TRMT2A: variants seen among roughly 807,000 people sequenced by gnomAD.
TRMT2A encodes tRNA (uracil-5-)-methyltransferase homolog A.
In TRMT2A, 60 loss-of-function variants were observed where a neutral mutation model predicts 59.3. That is an observed-to-expected ratio of 1.01 (90% CI 0.82 to 1.26). The LOEUF (loss-of-function observed/expected upper bound fraction) is 1.26. Ranked by LOEUF, TRMT2A falls within the 50% of genes most tolerant of loss-of-function variation. TRMT2A has a pLI of 0.00. For synonymous variants in TRMT2A, 403 were observed against 353.7 expected, an observed-to-expected ratio of 1.14 and a Z score of -1.56; for missense variants, 863 against 845.2, an observed-to-expected ratio of 1.02 and a Z score of -0.26.
Position 20,116,563 on chromosome 22 carries a change from C to T in TRMT2A, c.74G>A (p.Ser25Asn). ...AGGGGGCACCGAGACGGTAGGGCAG[C>T]TCAGGGCACTGCTGCTCTCCTGGCC... ...SCGQESSSAL[S>N]CPTVSVPPAA... Residue 25 changes from serine to asparagine, a missense_variant, in exon 2 of 12, where the codon AGC (serine) becomes AAC (asparagine). By Grantham distance (46) the Ser-to-Asn change is conservative. Transcript: ENST00000252136. 6.3e-7 allele frequency: 1 copy of T among 1,582,074 alleles called. No homozygotes were observed. The highest frequency in any genetic ancestry group is 8.6e-7 in the Non-Finnish European group (1 of 1,168,654).
Position 20,116,934 on chromosome 22 carries a change from G to A in TRMT2A, c.-28C>T. 1.3e-6 allele frequency: 2 copies of A among 1,581,340 alleles called. No individual in the cohort carries two copies. The highest frequency in any genetic ancestry group is 1.2e-5 in the South Asian group (1 of 86,622). On this transcript the variant is annotated 5_prime_UTR_variant, in exon 1 of 12. Transcript: ENST00000252136. ...CCCAGGCGGTTCTCCGCCTAGACCA[G>A]GGACGCCATGGGGGCCGCCTGGCCA...
At position 20,116,974 on chromosome 22, in the gene TRMT2A, T is replaced by C. The variant is rs2050046648; in HGVS notation, c.-68A>G. 6.6e-7 allele frequency: 1 copy of C among 1,508,144 alleles called. No individual in the cohort carries two copies. The highest frequency in any genetic ancestry group is 2.4e-5 in the East Asian group (1 of 41,420). 93.4% of individuals were successfully genotyped at this position (1,508,144 alleles called of 1,614,324 possible). On this transcript the variant is annotated 5_prime_UTR_variant, in exon 1 of 12. Coordinates refer to ENST00000252136, the MANE Select transcript of TRMT2A (RefSeq NM_022727.6). ...CCGCCTGGCCACCTCGTCCTGGGCC[T>C]GTCACAAGGGAAGTGGCCTGTCACA...
rs952342436 is a variant in TRMT2A, at chr22:20,117,155, C to T, written c.-249G>A. 1.8e-6 allele frequency: 1 copy of T among 554,748 alleles called. No individual in the cohort carries two copies. Among genetic ancestry groups the T allele is most frequent in the Non-Finnish European group, 3.0e-6 (1 of 332,610 alleles). 34.4% of individuals were successfully genotyped at this position (554,748 alleles called of 1,614,324 possible). On this transcript the variant is annotated 5_prime_UTR_variant, in exon 1 of 12. Coordinates refer to ENST00000252136, the MANE Select transcript of TRMT2A (RefSeq NM_022727.6). Reference sequence around the variant, plus strand: ...GCTGTACCGCCCGCCCGCCAGGGGCCCGCGCCGGCCGCTCGCTTCGCCAGC... The same window carrying T: ...GCTGTACCGCCCGCCCGCCAGGGGCTCGCGCCGGCCGCTCGCTTCGCCAGC...
Position 20,112,967 on chromosome 22 carries a change from G to A in TRMT2A, c.1590C>T (p.Leu530=), listed in dbSNP as rs772774226. The change falls in exon 11 of 12, where the codon CTC becomes CTT. Residue 530 remains leucine (L), a synonymous_variant. Transcript: ENST00000252136. ...TGCATGAGACGTACAGCAGCCGCCT[G>A]AGGTTCTTAGCTCTCCGGATGGCCA... is the stretch of plus-strand genomic sequence containing the variant. ...VILAIRRAKN[L]RRLLYVSCNP... is the part of the protein sequence containing the mutation. 1 of 1,613,814 alleles carries A rather than the reference G, an allele frequency of 6.2e-7. No individual in the cohort carries two copies. The highest frequency in any genetic ancestry group is 1.1e-5 in the South Asian group (1 of 91,086).
chr22:20,116,580 C>T lies in TRMT2A; in HGVS notation c.57G>A (p.Glu19=). ...TAGGGCAGCTCAGGGCACTGCTGCT[C>T]TCCTGGCCACAGCTCTCCATGGGCT... is the stretch of plus-strand genomic sequence containing the variant. ...GPKPMESCGQ[E]SSSALSCPTV... Residue 19 remains glutamate, a synonymous_variant, in exon 2 of 12, where the codon GAG becomes GAA. Coordinates refer to ENST00000252136, the MANE Select transcript of TRMT2A (RefSeq NM_022727.6). 6.4e-7 allele frequency: 1 copy of T among 1,563,836 alleles called. No individual in the cohort carries two copies. Among genetic ancestry groups the T allele is most frequent in the Non-Finnish European group, 8.6e-7 (1 of 1,160,030 alleles).
chr22:20,116,521 A>T lies in TRMT2A; in HGVS notation c.116T>A (p.Leu39Gln). Residue 39 changes from leucine to glutamine, a missense_variant, in exon 2 of 12, where the codon CTG becomes CAG. Transcript: ENST00000252136. ...AGCGCCCTCTTTCTCCACCTCCTCC[A>T]GGGCTGCCGGGGCTGCAGGGGGCAC... ...VSVPPAAPAA[L>Q]EEVEKEGAGA... 6.2e-7 allele frequency: 1 copy of T among 1,610,366 alleles called. No individual in the cohort carries two copies. Among genetic ancestry groups the T allele is most frequent in the Non-Finnish European group, 8.5e-7 (1 of 1,179,192 alleles).
At position 20,114,802 on chromosome 22, in the gene TRMT2A, G is replaced by A. The variant is rs1255709790; in HGVS notation, c.1080C>T (p.Ala360=). Residue 360 remains alanine, a synonymous_variant, in exon 6 of 12, where the codon GCC becomes GCT. Transcript: ENST00000252136. Reference sequence around the variant, plus strand: ...CGAAGTAGAGGCAGGTCACTCCACTGGCCCTGCCTGGCCCTGCTGTGAAGT... The same window carrying A: ...CGAAGTAGAGGCAGGTCACTCCACTAGCCCTGCCTGGCCCTGCTGTGAAGT... The part of the protein sequence containing the change: ...AQHFTAGPGR[A]SGVTCLYFVE... 1.9e-6 allele frequency: 3 copies of A among 1,609,280 alleles called. No individual in the cohort carries two copies. Among genetic ancestry groups the A allele is most frequent in the African/African-American group, 1.3e-5 (1 of 74,854 alleles).
chr22:20,113,401 C>CCCCCCCCCCCCCCCCCCCCGTGG, intron 9 of TRMT2A, 31 bp downstream of exon 9: 1 of 893,472 alleles, frequency 1.1e-6, no homozygotes, highest in Non-Finnish European at 1.8e-6. Context: ...CTGCCCCCAT[C>CCCCCCCCCCCCCCCCCCCCGTGG]CCCACCCCCA....
chr22:20,115,902 T>C (rs2049999277), intron 2 of TRMT2A, 122 bp from the exon 3 acceptor site: 33 of 1,376,674 alleles, frequency 2.4e-5, no homozygotes, highest in Non-Finnish European at 3.0e-5. Context: ...CACTGTGACG[T>C]GGGTGTCTTG....
In TRMT2A at chr22:20,116,357, C is replaced by A. The variant is rs747190280; in HGVS notation, c.280G>T (p.Gly94Cys). The A allele has an allele frequency of 3.7e-6, 6 of 1,612,712 alleles. No homozygotes were observed. The highest frequency in any genetic ancestry group is 3.3e-5 in the South Asian group (3 of 91,094). ...ASFSDVRRFL[G>C]RFGLQPHKTK... ...TTGTGGGGCTGCAGACCAAAGCGGCCCAGGAAGCGCCGGACGTCGCTGAAG... is the reference window on the plus strand; with the variant it reads ...TTGTGGGGCTGCAGACCAAAGCGGCACAGGAAGCGCCGGACGTCGCTGAAG... Residue 94 changes from glycine (G) to cysteine (C), a missense_variant, in exon 2 of 12, where the codon GGC becomes TGC. Coordinates refer to ENST00000252136, the MANE Select transcript of TRMT2A (RefSeq NM_022727.6).
Position 20,116,960 on chromosome 22 carries a change from C to T in TRMT2A, c.-54G>A, listed in dbSNP as rs2050045968. On this transcript the variant is annotated 5_prime_UTR_variant, in exon 1 of 12. It adds an upstream start codon to the 5' untranslated region. Transcript: ENST00000252136. ...GGACGCCATGGGGGCCGCCTGGCCACCTCGTCCTGGGCCTGTCACAAGGGA... is the reference window on the plus strand; with the variant it reads ...GGACGCCATGGGGGCCGCCTGGCCATCTCGTCCTGGGCCTGTCACAAGGGA... 2 of 1,564,068 alleles carry T rather than the reference C, an allele frequency of 1.3e-6. No individual in the cohort carries two copies. Among genetic ancestry groups the T allele is most frequent in the Admixed American group, 1.9e-5 (1 of 53,668 alleles).
intron 9 of TRMT2A, 70 bp downstream of exon 9, chr22:20,113,362 G>A (rs1460419861): frequency 3.2e-6 from 5 of 1,556,114 alleles, no homozygotes; most frequent in African/African-American, 1.4e-5. Context: ...AGCCCTGGCT[G>A]TGGCTGAGGC....
intron 1 of TRMT2A, 65 bp from the exon 2 acceptor site, chr22:20,116,677 T>A: frequency 4.0e-6 from 6 of 1,495,310 alleles, no homozygotes; most frequent in Non-Finnish European, 5.3e-6. Context: ...CCCCCAAGCT[T>A]CCTTATGGGA....
chr22:20,115,809 C>T, intron 2 of TRMT2A, 29 bp from the exon 3 acceptor site: 1 of 1,584,940 alleles, frequency 6.3e-7, no homozygotes, highest in Non-Finnish European at 8.6e-7. Flanking sequence ...GGTGGTTGGA[C>T]TCCACCTACT....
rs2049884853 is a variant in TRMT2A at position 20,112,811 on chromosome 22, G to A, written c.1647-17C>T. 3 of 1,612,718 alleles carry A rather than the reference G, an allele frequency of 1.9e-6. No individual in the cohort carries two copies. The highest frequency in any genetic ancestry group is 2.5e-6 in the Non-Finnish European group (3 of 1,179,924). On this transcript the variant is annotated splice_polypyrimidine_tract_variant and intron_variant, in intron 11 of 11. Transcript: ENST00000252136. Reference sequence around the variant, plus strand: ...CTGCAGAGGCTGTGGGGGGAAAAGGGGGGCGCTAAGGTCAGCCGATAGGCT... The same window carrying A: ...CTGCAGAGGCTGTGGGGGGAAAAGGAGGGCGCTAAGGTCAGCCGATAGGCT...
chr22:20,116,208 C>T lies in TRMT2A; in HGVS notation c.429G>A (p.Leu143=), dbSNP rs982782561. The change falls in exon 2 of 12, where the codon CTG becomes CTA. Residue 143 remains leucine, a synonymous_variant. Coordinates refer to ENST00000252136, the MANE Select transcript of TRMT2A (RefSeq NM_022727.6). ...LWKGRPLSVR[L]ARPKADPMAR... ...CCATGGGGTCGGCCTTGGGCCGGGC[C>T]AGGCGCACACTGAGTGGGCGGCCTT... is the stretch of plus-strand genomic sequence containing the variant. 1.2e-6 allele frequency: 2 copies of T among 1,613,060 alleles called. No homozygotes were observed. The highest frequency in any genetic ancestry group is 1.7e-6 in the Non-Finnish European group (2 of 1,180,012).
At position 20,113,171 on chromosome 22, in the gene TRMT2A, C is replaced by G; in HGVS notation, c.1496G>C (p.Arg499Thr). The G allele has an allele frequency of 6.3e-7, 1 of 1,597,500 alleles. No homozygotes were observed. Among genetic ancestry groups the G allele is most frequent in the Non-Finnish European group, 8.5e-7 (1 of 1,170,956 alleles). The change falls in exon 10 of 12, where the codon AGA (arginine) becomes ACA (threonine). Residue 499 changes from arginine to threonine, a missense_variant. By Grantham distance (71) the Arg-to-Thr change is moderately conservative (BLOSUM62 -1). Coordinates refer to ENST00000252136, the MANE Select transcript of TRMT2A (RefSeq NM_022727.6). The stretch of plus-strand genomic sequence containing the variant: ...GGCCACGAGGTGCTGGGAGGCCAGT[C>G]TGCTCACCAGGGTGGGCACCAGGTC... ...AEDLVPTLVS[R>T]LASQHLVAIL...
Position 20,117,224 on chromosome 22 carries a change from T to G in TRMT2A, c.-318A>C, listed in dbSNP as rs185006124. The G allele has an allele frequency of 3.7e-6, 2 of 542,576 alleles. No homozygotes were observed. Among genetic ancestry groups the G allele is most frequent in the Non-Finnish European group, 3.0e-6 (1 of 333,822 alleles). 33.6% of individuals were successfully genotyped at this position (542,576 alleles called of 1,614,324 possible). On this transcript the variant is annotated 5_prime_UTR_variant, in exon 1 of 12. Coordinates refer to ENST00000252136, the MANE Select transcript of TRMT2A (RefSeq NM_022727.6). ...GCGTGCGGCGGAGGCCGAGCGTCTC[T>G]ATGATCCTGGCTTCTGGCAACGTCA... is the stretch of plus-strand genomic sequence containing the variant.
In TRMT2A at chr22:20,115,451, C is replaced by T; in HGVS notation, c.709-4G>A. On this transcript the variant is annotated splice_polypyrimidine_tract_variant and splice_region_variant and intron_variant, in intron 3 of 11. Transcript: ENST00000252136. The stretch of plus-strand genomic sequence containing the variant: ...CACACTTATTACGATACTCAGTCTG[C>T]AGGGAGAGAGAGCTGCACCTTACCC... 1 of 1,601,950 alleles carries T rather than the reference C, an allele frequency of 6.2e-7. No homozygotes were observed. The highest frequency in any genetic ancestry group is 8.5e-7 in the Non-Finnish European group (1 of 1,173,698).
Sources: allele counts gnomAD v4.1 joint callset, GRCh38; gene constraint gnomAD v4.1.1; transcripts MANE v1.5; gene names NCBI Gene and HGNC (gene_info 2026-07-23, HGNC 2026-07-21).